CPE: variants seen among roughly 807,000 people sequenced by gnomAD.
CPE encodes carbocypeptidase E.
CPE carries 17 observed loss-of-function variants against 53.5 expected under a neutral mutation model. That is an observed-to-expected ratio of 0.32 (90% CI 0.22 to 0.48). The LOEUF is 0.48. Ranked by LOEUF, CPE falls within the 20% of genes least tolerant of loss-of-function variation. CPE has a pLI of 0.99. For synonymous variants in CPE, 226 were observed against 228.8 expected, an observed-to-expected ratio of 0.99 and a Z score of 0.11; for missense variants, 524 against 614.7, an observed-to-expected ratio of 0.85 and a Z score of 1.56.
rs978948812 is a variant in CPE, at chr4:165,405,400, G to A, written c.307+25872G>A. 12 of 1,005,012 alleles carry A rather than the reference G, an allele frequency of 1.2e-5. No individual in the cohort carries two copies. The African/African-American group carries it at 1.9e-4, about 16-fold the overall frequency. The allele number at this position is 1,005,012 out of a possible 1,614,324, so 62.3% of individuals were successfully genotyped here. The stretch of plus-strand genomic sequence containing the variant: ...GCTCTCCGAATTTCTGAGATTCAGA[G>A]AGATAACCAGCATCGCTCCCTTGCT... On this transcript the variant is annotated intron_variant, in intron 1 of 8. Transcript: ENST00000402744.
rs1211832201 is a variant in CPE at position 165,380,792 on chromosome 4, G to A, written c.307+1264G>A. Among the ~76,000 whole-genome samples the A allele has an allele frequency of 4.6e-5, 7 of 152,260 alleles. No individual in the cohort carries two copies. The East Asian group carries it at 1.3e-3, about 29-fold the overall frequency. On this transcript the variant is annotated intron_variant, in intron 1 of 8. Coordinates refer to ENST00000402744, the MANE Select transcript of CPE (RefSeq NM_001873.4). Reference sequence around the variant, plus strand: ...CCTTCAAATAATATAAGAAAAAAAGGTTCATGTAAGTTTGCTGTCAAAATT... The same window carrying A: ...CCTTCAAATAATATAAGAAAAAAAGATTCATGTAAGTTTGCTGTCAAAATT...
At chr4:165,487,413 G>T in intron 5 of CPE, 25 bp from the exon 6 acceptor site, 1 of 1,612,592 alleles carries the variant, frequency 6.2e-7, no homozygotes, top group South Asian at 1.1e-5. Flanking sequence ...TGCATATTTT[G>T]ACTTTCCATT....
At chr4:165,459,468 CTG>C (rs1731956413) in intron 1 of CPE, among the ~76,000 whole-genome samples, 1 of 151,958 alleles carries the variant, frequency 6.6e-6, no homozygotes, top group Non-Finnish European at 1.5e-5. Flanking sequence ...TGTGAAGTAA[CTG>C]GAATGCTGGA....
At chr4:165,449,575 A>G (rs918589469) in intron 1 of CPE, among the ~76,000 whole-genome samples, 2 of 152,200 alleles carry the variant, frequency 1.3e-5, no homozygotes, top group Non-Finnish European at 2.9e-5. Flanking sequence ...ACAGACCCGT[A>G]AAGAAAACCA....
At chr4:165,452,119 G>C (rs1345244640) in intron 1 of CPE, among the ~76,000 whole-genome samples, 1 of 152,146 alleles carries the variant, frequency 6.6e-6, no homozygotes, top group African/African-American at 2.4e-5. Flanking sequence ...CTCACAGAAG[G>C]AGAGGGCAGA....
chr4:165,404,570 G>T (rs780647154), intron 1 of CPE: 2 of 982,858 alleles, frequency 2.0e-6, no homozygotes, highest in African/African-American at 1.6e-5. Flanking sequence ...CACATGTTTC[G>T]CTACATCCAC....
At chr4:165,467,102 T>G (rs1392504940) in intron 2 of CPE, among the ~76,000 whole-genome samples, 1 of 152,012 alleles carries the variant, frequency 6.6e-6, no homozygotes, top group Non-Finnish European at 1.5e-5. Context: ...AGGAGAAGAT[T>G]GCTTAAGGCC....
In CPE at chr4:165,432,182, C is replaced by T. The variant is rs923020190; in HGVS notation, c.308-32208C>T. 4.6e-5 allele frequency among the ~76,000 whole-genome samples: 7 copies of T among 152,158 alleles called. No individual in the cohort carries two copies. The East Asian group carries it at 1.2e-3, about 25-fold the overall frequency. On this transcript the variant is annotated intron_variant, in intron 1 of 8. Coordinates refer to ENST00000402744, the MANE Select transcript of CPE (RefSeq NM_001873.4). ...TATTTGCCCTTGTCTCTCTTCATAC[C>T]ATGTTTTGTGAGCATAGCTACATTC...
chr4:165,444,169 G>A (rs116200635), intron 1 of CPE, among the ~76,000 whole-genome samples: 1,604 of 152,164 alleles, frequency 0.011, 24 homozygotes, highest in African/African-American at 0.036. Flanking sequence ...CTATAAAGTC[G>A]GTGTTATTAT....
intron 1 of CPE, among the ~76,000 whole-genome samples, chr4:165,435,245 T>C (rs1451533987): frequency 6.6e-6 from 1 of 152,012 alleles, no homozygotes; most frequent in Non-Finnish European, 1.5e-5. Flanking sequence ...AAAGCAAGAG[T>C]CTCAAATAAG....
At chr4:165,387,912 G>A (rs1730620793) in intron 1 of CPE, among the ~76,000 whole-genome samples, 1 of 152,148 alleles carries the variant, frequency 6.6e-6, no homozygotes, top group African/African-American at 2.4e-5. Context: ...ATGAGCCACT[G>A]TGCCCAGCCC....
Position 165,479,207 on chromosome 4 carries a change from A to T in CPE, c.673-3035A>T, listed in dbSNP as rs1732357680. Among the ~76,000 whole-genome samples, 3 of 152,318 alleles carry T rather than the reference A, an allele frequency of 2.0e-5. No homozygotes were observed. In the South Asian group the frequency reaches 6.2e-4, roughly 32 times the overall value. On this transcript the variant is annotated intron_variant, in intron 3 of 8. Coordinates refer to ENST00000402744, the MANE Select transcript of CPE (RefSeq NM_001873.4). ...GGATATAAAAAACATAAATTCACTT[A>T]AAAAAGCATATGCATTATAGAGTAT...
chr4:165,472,156 GTCT>G (rs1732218091), intron 3 of CPE, among the ~76,000 whole-genome samples: 1 of 152,210 alleles, frequency 6.6e-6, no homozygotes, highest in Non-Finnish European at 1.5e-5. Context: ...GATTATTTTA[GTCT>G]TCTTTTAGTT....
At chr4:165,443,559 A>C (rs1384802661) in intron 1 of CPE, among the ~76,000 whole-genome samples, 1 of 152,088 alleles carries the variant, frequency 6.6e-6, no homozygotes, top group Non-Finnish European at 1.5e-5. Context: ...CCGCCTCCTC[A>C]CTGTATCCTC....
intron 1 of CPE, among the ~76,000 whole-genome samples, chr4:165,413,425 A>G (rs1033821839): frequency 6.6e-5 from 10 of 152,322 alleles, no homozygotes; most frequent in Admixed American, 2.0e-4. Flanking sequence ...CATGTAATTA[A>G]TTAGCAGGCA....
rs78211208 is a variant in CPE at position 165,402,608 on chromosome 4, C to A, written c.307+23080C>A. On this transcript the variant is annotated intron_variant, in intron 1 of 8. Transcript: ENST00000402744. Reference sequence around the variant, plus strand: ...CCTTACTCCCTTTCTCTCCATGTGACGTGCATGCTCCTGCTTCTACCATGA... The same window carrying A: ...CCTTACTCCCTTTCTCTCCATGTGAAGTGCATGCTCCTGCTTCTACCATGA... Among the ~76,000 whole-genome samples the A allele has an allele frequency of 6.7e-3, 1,021 of 152,282 alleles. 6 individuals carry two copies. Among genetic ancestry groups the A allele is most frequent in the African/African-American group, 0.023 (966 of 41,538 alleles).
chr4:165,432,280 G>T (rs544194555), intron 1 of CPE, among the ~76,000 whole-genome samples: 70 of 152,256 alleles, frequency 4.6e-4, no homozygotes, highest in Non-Finnish European at 9.1e-4. Flanking sequence ...GAAAAGAATT[G>T]CAGGATTTTA....
At chr4:165,390,864 T>C (rs1730668668) in intron 1 of CPE, among the ~76,000 whole-genome samples, 1 of 152,156 alleles carries the variant, frequency 6.6e-6, no homozygotes, top group Non-Finnish European at 1.5e-5. Context: ...TGAGGACAAC[T>C]CTAGGTTTCT....
chr4:165,463,493 G>T (rs1732043951), intron 1 of CPE, among the ~76,000 whole-genome samples: 1 of 152,058 alleles, frequency 6.6e-6, no homozygotes, highest in Admixed American at 6.5e-5. Context: ...ACTTGCCCAA[G>T]CCTAGACAGT....
Sources: gnomAD v4.1 joint callset for allele counts (sites outside exome capture counted in the v4.1 genomes callset) on GRCh38, gnomAD v4.1.1 for gene constraint, MANE v1.5 for transcripts, NCBI Gene and HGNC (gene_info 2026-07-23, HGNC 2026-07-21) for gene names.